HS6ST3: variants seen among roughly 807,000 people sequenced by gnomAD.
HS6ST3 encodes heparan sulfate 6-O-sulfotransferase 3, also known as heparan-sulfate 6-O-sulfotransferase 3.
In HS6ST3, 12 loss-of-function variants were observed where a neutral mutation model predicts 36.7. The observed-to-expected ratio is 0.33, with a 90% CI of 0.21 to 0.53. The LOEUF is 0.53. HS6ST3 is among the 20% of genes least tolerant of loss of function. The probability of loss-of-function intolerance (pLI) is 0.95; values close to 1 mark genes in which losing one functional copy is unlikely to be tolerated. For synonymous variants in HS6ST3, 240 were observed against 257.5 expected (o/e 0.93, Z 0.65); for missense variants, 584 against 640.9 (o/e 0.91, Z 0.96).
intron 1 of HS6ST3, among the ~76,000 whole-genome samples, chr13:96,312,867 G>A (rs1429068130): frequency 2.0e-5 from 3 of 146,574 alleles, no homozygotes; most frequent in African/African-American, 7.7e-5. Context: ...CATGAGAATC[G>A]CTTGAACTTG....
intron 1 of HS6ST3, among the ~76,000 whole-genome samples, chr13:96,317,365 TATAAAATTATA>T (rs1170179824): frequency 1.6e-4 from 3 of 18,618 alleles, no homozygotes; most frequent in Admixed American, 1.2e-3. Flanking sequence ...TATATATATA[TATAAAATTATA>T]TATATATATA....
intron 1 of HS6ST3, among the ~76,000 whole-genome samples, chr13:96,462,524 T>C (rs970271211): frequency 6.6e-6 from 1 of 152,212 alleles, no homozygotes; most frequent in Non-Finnish European, 1.5e-5. Flanking sequence ...ATACACCTAC[T>C]GGTGAAATAT....
intron 1 of HS6ST3, among the ~76,000 whole-genome samples, chr13:96,422,198 G>T (rs139316026): frequency 1.3e-5 from 2 of 152,164 alleles, no homozygotes; most frequent in Non-Finnish European, 2.9e-5. Flanking sequence ...TTAGCACATC[G>T]CATTGCAAAC....
At chr13:96,216,635 G>A (rs940377500) in intron 1 of HS6ST3, among the ~76,000 whole-genome samples, 1 of 152,162 alleles carries the variant, frequency 6.6e-6, no homozygotes, top group Admixed American at 6.5e-5. Context: ...TTGTGTCGTT[G>A]TGGGGTGGGC....
intron 1 of HS6ST3, among the ~76,000 whole-genome samples, chr13:96,424,813 T>C (rs1303843059): frequency 6.6e-6 from 1 of 152,282 alleles, no homozygotes; most frequent in Non-Finnish European, 1.5e-5. Flanking sequence ...ATTCAATCCA[T>C]TGATCACATA....
intron 1 of HS6ST3, among the ~76,000 whole-genome samples, chr13:96,778,676 G>A (rs148499240): frequency 8.5e-5 from 13 of 152,222 alleles, no homozygotes; most frequent in African/African-American, 2.4e-4. Context: ...AACAACAGAC[G>A]GCGGAGAGGA....
At chr13:96,121,416 G>T (rs957105475) in intron 1 of HS6ST3, among the ~76,000 whole-genome samples, 1 of 152,180 alleles carries the variant, frequency 6.6e-6, no homozygotes, top group African/African-American at 2.4e-5. Flanking sequence ...ATCTGCAGAA[G>T]AGGCATACAC....
At position 96,317,340 on chromosome 13, in the gene HS6ST3, ATATATATATATATATAT is replaced by A. The variant is rs1458156752; in HGVS notation, c.707+225772_707+225788del. On this transcript the variant is annotated intron_variant, in intron 1 of 1. Transcript: ENST00000376705. ...GTAGTATTCCATTATATATATATAT[ATATATATATATATATAT>A]ATATATATATAAAATTATATATATA... Among the ~76,000 whole-genome samples the A allele has an allele frequency of 2.2e-4, 5 of 23,144 alleles. No individual in the cohort carries two copies. The East Asian group carries it at 5.5e-3, about 25-fold the overall frequency. 15.2% of individuals were successfully genotyped at this position (23,144 alleles called of 152,430 possible). A position where few individuals can be genotyped will look rare whatever the true frequency, so the allele number is the denominator to read the frequency against.
intron 1 of HS6ST3, among the ~76,000 whole-genome samples, chr13:96,795,898 G>A (rs1594861910): frequency 6.6e-6 from 1 of 152,208 alleles, no homozygotes; most frequent in East Asian, 1.9e-4. Context: ...AAGCCGAGTG[G>A]CCCAGCACAA....
rs556826740 is a variant in HS6ST3 at position 96,656,870 on chromosome 13, G to A, written c.708-175620G>A. On this transcript the variant is annotated intron_variant, in intron 1 of 1. Transcript: ENST00000376705. ...AAAATAATCTTATGCTTGCTCTAAA[G>A]CCATGTTTGGAATGTGTCACGGCCA... 7.2e-5 allele frequency among the ~76,000 whole-genome samples: 11 copies of A among 152,024 alleles called. No homozygotes were observed. In the South Asian group the frequency reaches 1.9e-3, roughly 26 times the overall value.
chr13:96,353,495 C>T (rs1423810873), intron 1 of HS6ST3, among the ~76,000 whole-genome samples: 1 of 150,400 alleles, frequency 6.6e-6, no homozygotes, highest in African/African-American at 2.4e-5. Flanking sequence ...TAAAATTCCA[C>T]GAATAAAGGA....
intron 1 of HS6ST3, among the ~76,000 whole-genome samples, chr13:96,216,097 C>T (rs1320914504): frequency 6.6e-6 from 1 of 152,150 alleles, no homozygotes; most frequent in Non-Finnish European, 1.5e-5. Flanking sequence ...TTTCCTCATC[C>T]ATCCAACAAT....
intron 1 of HS6ST3, among the ~76,000 whole-genome samples, chr13:96,485,962 C>T (rs947253962): frequency 1.1e-4 from 16 of 151,768 alleles, no homozygotes; most frequent in East Asian, 3.9e-4. Flanking sequence ...GTGCTGCACC[C>T]GTTAACTCGT....
intron 1 of HS6ST3, among the ~76,000 whole-genome samples, chr13:96,753,264 A>C (rs980165577): frequency 2.0e-5 from 3 of 152,206 alleles, no homozygotes; most frequent in African/African-American, 7.2e-5. Flanking sequence ...ATTTTTCAAA[A>C]CAAAACAACC....
chr13:96,725,680 G>A (rs12431346), intron 1 of HS6ST3, among the ~76,000 whole-genome samples: 5,541 of 152,160 alleles, frequency 0.036, 164 homozygotes, highest in Admixed American at 0.095. Context: ...ATGTGTGTGT[G>A]TGTGTGTGTG....
At chr13:96,398,582 T>G (rs1170205322) in intron 1 of HS6ST3, among the ~76,000 whole-genome samples, 3 of 152,068 alleles carry the variant, frequency 2.0e-5, no homozygotes, top group African/African-American at 4.8e-5. Context: ...CCCAGCCCCA[T>G]CTGTTGCATT....
At chr13:96,602,057 G>C (rs1365154536) in intron 1 of HS6ST3, among the ~76,000 whole-genome samples, 4 of 152,106 alleles carry the variant, frequency 2.6e-5, no homozygotes, top group Non-Finnish European at 4.4e-5. Context: ...TTTTTAAACT[G>C]CGTTAAACAG....
chr13:96,681,485 T>G (rs370799690), intron 1 of HS6ST3, among the ~76,000 whole-genome samples: 34 of 152,282 alleles, frequency 2.2e-4, no homozygotes, highest in African/African-American at 7.9e-4. Flanking sequence ...ATCCTATCAC[T>G]CACCTCATTA....
At chr13:96,676,997 A>C (rs1029734518) in intron 1 of HS6ST3, among the ~76,000 whole-genome samples, 3 of 152,146 alleles carry the variant, frequency 2.0e-5, no homozygotes, top group African/African-American at 7.2e-5. Context: ...TTGGCTTTTT[A>C]ATTTGTCTTT....
Sources: allele counts gnomAD v4.1 joint callset (sites outside exome capture counted in the v4.1 genomes callset), GRCh38; gene constraint gnomAD v4.1.1; transcripts MANE v1.5; gene names NCBI Gene and HGNC (gene_info 2026-07-23, HGNC 2026-07-21).